The following BPNT2 variants were observed in gnomAD, a reference collection of about 807,000 sequenced individuals.
BPNT2 encodes Golgi-resident adenosine 3',5'-bisphosphate 3'-phosphatase.
Under a neutral mutation model 29.3 loss-of-function variants are expected in BPNT2, and 11 were observed. The observed-to-expected ratio is 0.38, with a 90% CI of 0.24 to 0.62. The LOEUF is 0.62. Ranked by LOEUF, BPNT2 falls within the 20% of genes least tolerant of loss-of-function variation. The pLI, the probability that BPNT2 is intolerant of heterozygous loss-of-function variation, is 0.62. For missense variants in BPNT2, 459 were observed against 473.4 expected (o/e 0.97, Z 0.28); for synonymous variants, 195 against 187.7 (o/e 1.04, Z -0.32).
chr8:56,963,842 T>C lies in BPNT2; in HGVS notation c.1031A>G (p.Gln344Arg), dbSNP rs1396407759. ...GLLASIRMNH[Q>R]ALVRKLPDLE... ...ATCTGGGAGTTTTCTGACCAGGGCC[T>C]GGTGGTTCATTCTGATGCTAGCAAG... The change falls in exon 5 of 5, where the codon CAG becomes CGG. Residue 344 changes from glutamine (Q) to arginine (R), a missense_variant. Transcript: ENST00000262644. 6.2e-7 allele frequency: 1 copy of C among 1,614,196 alleles called. No individual in the cohort carries two copies. Among genetic ancestry groups the C allele is most frequent in the South Asian group, 1.1e-5 (1 of 91,084 alleles).
chr8:56,972,068 C>T (rs942100528), intron 3 of BPNT2, among the ~76,000 whole-genome samples: 4 of 151,014 alleles, frequency 2.6e-5, no homozygotes, highest in South Asian at 4.2e-4. Flanking sequence ...GCACTCCAGC[C>T]GAGCGAGACT....
chr8:56,975,445 T>G (rs887206171), intron 3 of BPNT2, among the ~76,000 whole-genome samples: 1 of 152,200 alleles, frequency 6.6e-6, no homozygotes, highest in African/African-American at 2.4e-5. Context: ...GGCTCTGTCT[T>G]TAACTTTTAT....
At position 56,993,568 on chromosome 8, in the gene BPNT2, G is replaced by T; in HGVS notation, c.18C>A (p.Ile6=). 6.8e-7 allele frequency: 1 copy of T among 1,473,076 alleles called. No homozygotes were observed. The highest frequency in any genetic ancestry group is 9.0e-7 in the Non-Finnish European group (1 of 1,110,914). 91.3% of individuals were successfully genotyped at this position (1,473,076 alleles called of 1,614,324 possible). A position where few individuals can be genotyped will look rare whatever the true frequency, so the allele number is the denominator to read the frequency against. MAPMG[I]RLSPLGVAVF... is the part of the protein sequence containing the mutation. ...CTGCCACCCCCAGTGGGGAAAGGCG[G>T]ATGCCCATGGGGGCCATGGCGTGGG... Residue 6 remains isoleucine (I), a synonymous_variant, in exon 1 of 5, where the codon ATC becomes ATA. Transcript: ENST00000262644.
intron 1 of BPNT2, among the ~76,000 whole-genome samples, chr8:56,985,764 C>T (rs1298771735): frequency 6.6e-6 from 1 of 152,176 alleles, no homozygotes; most frequent in Non-Finnish European, 1.5e-5. Context: ...TCACAATGTC[C>T]ACTTTTCTTT....
rs901297410 is a variant in BPNT2, at chr8:56,963,088, T to C, written c.*705A>G. 3.9e-5 allele frequency: 6 copies of C among 152,156 alleles called. No individual in the cohort carries two copies. The highest frequency in any genetic ancestry group is 2.0e-4 in the Admixed American group (3 of 15,272). The allele number at this position is 152,156 out of a possible 1,614,324, so 9.4% of individuals were successfully genotyped here. On this transcript the variant is annotated 3_prime_UTR_variant, in exon 5 of 5. Transcript: ENST00000262644. ...AATGAAAATAGCAAGATGGCAGAAATGCTGAACTCATGGGTACAAACACAC... is the reference window on the plus strand; with the variant it reads ...AATGAAAATAGCAAGATGGCAGAAACGCTGAACTCATGGGTACAAACACAC...
At chr8:56,970,481 G>A (rs544342632) in intron 3 of BPNT2, among the ~76,000 whole-genome samples, 2 of 152,132 alleles carry the variant, frequency 1.3e-5, no homozygotes, top group Admixed American at 1.3e-4. Flanking sequence ...AATGTCATGG[G>A]GGGCATAAGG....
At chr8:56,980,694 A>G (rs531893487) in intron 1 of BPNT2, among the ~76,000 whole-genome samples, 1 of 151,564 alleles carries the variant, frequency 6.6e-6, no homozygotes, top group African/African-American at 2.4e-5. Flanking sequence ...CCATACAGAT[A>G]TGTAAGGATG....
intron 3 of BPNT2, among the ~76,000 whole-genome samples, chr8:56,973,782 T>C (rs1806076964): frequency 6.6e-6 from 1 of 152,210 alleles, no homozygotes; most frequent in Non-Finnish European, 1.5e-5. Flanking sequence ...CAAGACTGCT[T>C]TTGACTTCTT....
chr8:56,983,233 T>C (rs1302228926), intron 1 of BPNT2, among the ~76,000 whole-genome samples: 3 of 152,202 alleles, frequency 2.0e-5, no homozygotes, highest in Admixed American at 6.5e-5. Flanking sequence ...ATAAAAACTA[T>C]GCTGCAATGA....
At chr8:56,977,615 C>A (rs1806162832) in intron 3 of BPNT2, among the ~76,000 whole-genome samples, 1 of 151,014 alleles carries the variant, frequency 6.6e-6, no homozygotes, top group Non-Finnish European at 1.5e-5. Context: ...GAAATAGGGT[C>A]ATGGCAGATG....
rs116062369 is a variant in BPNT2 at position 56,964,815 on chromosome 8, C to G, written c.809-751G>C. ...TAACAGTAACACTACCACTCTAAAG[C>G]CTTTTTGTAATGAGGCAGAATTTAA... On this transcript the variant is annotated intron_variant, in intron 4 of 4. Coordinates refer to ENST00000262644, the MANE Select transcript of BPNT2 (RefSeq NM_017813.5). 4.7e-3 allele frequency among the ~76,000 whole-genome samples: 713 copies of G among 152,236 alleles called. 8 individuals carry two copies. Among genetic ancestry groups the G allele is most frequent in the African/African-American group, 0.016 (683 of 41,520 alleles).
chr8:56,979,999 GTCAA>G, intron 2 of BPNT2, 32 bp downstream of exon 2: 4 of 1,602,954 alleles, frequency 2.5e-6, no homozygotes, highest in Non-Finnish European at 3.4e-6. Context: ...ACTACTAAAC[GTCAA>G]TCAAATGTTT....
intron 1 of BPNT2, among the ~76,000 whole-genome samples, chr8:56,989,323 G>C (rs1684542805): frequency 6.7e-6 from 1 of 149,848 alleles, no homozygotes; most frequent in East Asian, 2.0e-4. Context: ...AGTGAGCTGA[G>C]ATTGTGCCAC....
At position 56,974,772 on chromosome 8, in the gene BPNT2, A is replaced by G. The variant is rs557663617; in HGVS notation, c.646+3278T>C. Among the ~76,000 whole-genome samples, 4 of 152,260 alleles carry G rather than the reference A, an allele frequency of 2.6e-5. No individual in the cohort carries two copies. In the East Asian group the frequency reaches 7.7e-4, roughly 29 times the overall value. ...ACATTTTTAGAAACCACTTTTTGCT[A>G]AGTTAGGGACATTTGGCTTCTTTAA... On this transcript the variant is annotated intron_variant, in intron 3 of 4. Coordinates refer to ENST00000262644, the MANE Select transcript of BPNT2 (RefSeq NM_017813.5).
At chr8:56,964,455 T>G (rs1439190362) in intron 4 of BPNT2, 1 of 174,052 alleles carries the variant, frequency 5.7e-6, no homozygotes, top group Non-Finnish European at 1.2e-5. Context: ...CGTGCCACCA[T>G]GCCCTGCTAA....
intron 3 of BPNT2, among the ~76,000 whole-genome samples, chr8:56,972,841 C>T (rs367901615): frequency 1.3e-5 from 2 of 149,240 alleles, no homozygotes; most frequent in African/African-American, 5.0e-5. Context: ...GACAAGTGTC[C>T]TATTCTGGAA....
chr8:56,982,051 C>A (rs1806253901), intron 1 of BPNT2, among the ~76,000 whole-genome samples: 1 of 152,088 alleles, frequency 6.6e-6, no homozygotes, highest in South Asian at 2.1e-4. Context: ...CCCTGAAACA[C>A]CCCAAATTAT....
chr8:56,993,275 T>A lies in BPNT2; in HGVS notation c.311A>T (p.Asp104Val). The A allele has an allele frequency of 6.2e-7, 1 of 1,611,280 alleles. No individual in the cohort carries two copies. Among genetic ancestry groups the A allele is most frequent in the Non-Finnish European group, 8.5e-7 (1 of 1,179,946 alleles). Reference protein sequence around the residue: ...SKGKTREGAEDKMTSGDVLSN... With the variant: ...SKGKTREGAEVKMTSGDVLSN... Reference sequence around the variant, plus strand: ...CAGCACGTCGCCGCTGGTCATCTTGTCCTCGGCTCCCTCGCGCGTCTTCCC... The same window carrying A: ...CAGCACGTCGCCGCTGGTCATCTTGACCTCGGCTCCCTCGCGCGTCTTCCC... Residue 104 changes from aspartate to valine, a missense_variant, in exon 1 of 5, where the codon GAC becomes GTC. Transcript: ENST00000262644.
intron 3 of BPNT2, among the ~76,000 whole-genome samples, chr8:56,966,647 A>C (rs1189725091): frequency 6.6e-6 from 1 of 152,210 alleles, no homozygotes; most frequent in Non-Finnish European, 1.5e-5. Context: ...CACTGGGATG[A>C]CACTGCAACT....
Sources: allele counts gnomAD v4.1 joint callset (sites outside exome capture counted in the v4.1 genomes callset), GRCh38; gene constraint gnomAD v4.1.1; transcripts MANE v1.5; gene names NCBI Gene and HGNC (gene_info 2026-07-23, HGNC 2026-07-21).